The following SEPTIN6 variants were observed in gnomAD, a reference collection of about 807,000 sequenced individuals.
SEPTIN6 encodes septin 6, also known as septin-6.
A neutral mutation model predicts 33.6 loss-of-function variants in SEPTIN6; 8 were observed. The ratio of observed to expected loss-of-function variants is 0.24; its 90% CI spans 0.14 to 0.43. The LOEUF (loss-of-function observed/expected upper bound fraction) is 0.43, where lower values mean the gene tolerates loss of function less well. Among genes scored for constraint, SEPTIN6 ranks in the 20% least tolerant of loss-of-function variants. SEPTIN6 has a pLI of 1.00. For synonymous variants in SEPTIN6, 131 were observed against 140.0 expected (o/e 0.94, Z 0.45); for missense variants, 250 against 340.8 (o/e 0.73, Z 2.10).
Position 119,617,583 on chromosome X carries a change from C to T in SEPTIN6, c.*2510G>A, listed in dbSNP as rs2147419332. On this transcript the variant is annotated 3_prime_UTR_variant, in exon 11 of 11. Transcript: ENST00000394610. ...GATGTTTTTCTGTGGAAAAAAACCTCGAGGGTCTTCTAATACTAACTAGTC... is the reference window on the plus strand; with the variant it reads ...GATGTTTTTCTGTGGAAAAAAACCTTGAGGGTCTTCTAATACTAACTAGTC... 1.2e-6 allele frequency: 1 copy of T among 801,224 alleles called. No homozygotes were observed. The highest frequency in any genetic ancestry group is 7.2e-5 in the East Asian group (1 of 13,898). 66.0% of individuals were successfully genotyped at this position (801,224 alleles called of 1,213,427 possible).
At chrX:119,631,636 A>G (rs1263585488) in intron 8 of SEPTIN6, among the ~76,000 whole-genome samples, 1 of 106,366 alleles carries the variant, frequency 9.4e-6, no homozygotes, top group Non-Finnish European at 1.9e-5. Flanking sequence ...ACAGAGTCTC[A>G]CTCTGTCACG....
chrX:119,655,880 A>G (rs899020120), intron 3 of SEPTIN6, among the ~76,000 whole-genome samples: 1 of 112,407 alleles, frequency 8.9e-6, no homozygotes, highest in African/African-American at 3.2e-5. Context: ...CATAGGTAAC[A>G]ATCTATAGTA....
intron 2 of SEPTIN6, among the ~76,000 whole-genome samples, chrX:119,664,203 C>CA (rs1397680331): frequency 9.0e-6 from 1 of 111,530 alleles, no homozygotes; most frequent in African/African-American, 3.3e-5. Context: ...AGGCTGGTCT[C>CA]AAACTCCTGA....
intron 3 of SEPTIN6, among the ~76,000 whole-genome samples, chrX:119,655,379 C>A (rs1389913725): frequency 9.0e-6 from 1 of 110,943 alleles, no homozygotes; most frequent in South Asian, 3.8e-4. Context: ...AGTGACTCAT[C>A]TTCCCACGGT....
chrX:119,662,018 G>A (rs187890081), intron 3 of SEPTIN6, among the ~76,000 whole-genome samples: 9 of 111,816 alleles, frequency 8.0e-5, no homozygotes, highest in East Asian at 5.6e-4. Flanking sequence ...GATTACAGGC[G>A]TGAGCCACCT....
Position 119,660,260 on chromosome X carries a change from G to A in SEPTIN6, c.341+3222C>T, listed in dbSNP as rs546644259. On this transcript the variant is annotated intron_variant, in intron 3 of 10. Coordinates refer to ENST00000394610, the MANE Select transcript of SEPTIN6 (RefSeq NM_145799.4). ...GTTTATGCATGAGCCCTTGTAAAGC[G>A]GGATATTCTAATGCCTTGTTTCAAT... Among the ~76,000 whole-genome samples, 55 of 112,106 alleles carry A rather than the reference G, an allele frequency of 4.9e-4. 1 individual carries two copies. In the South Asian group the frequency reaches 0.018, roughly 36 times the overall value.
chrX:119,621,466 T>C (rs1342647927), intron 10 of SEPTIN6, among the ~76,000 whole-genome samples: 1 of 100,192 alleles, frequency 1.0e-5, no homozygotes, highest in Admixed American at 1.1e-4. Context: ...TGTGTGTGTG[T>C]GTGTGTGTGT....
At position 119,619,832 on chromosome X, in the gene SEPTIN6, G is replaced by A. The variant is rs1422106403; in HGVS notation, c.*261C>T. 7 of 1,052,016 alleles carry A rather than the reference G, an allele frequency of 6.7e-6. No homozygotes were observed. The African/African-American group carries it at 1.2e-4, about 18-fold the overall frequency. 86.7% of individuals were successfully genotyped at this position (1,052,016 alleles called of 1,213,427 possible). A position where few individuals can be genotyped will look rare whatever the true frequency, so the allele number is the denominator to read the frequency against. On this transcript the variant is annotated 3_prime_UTR_variant, in exon 11 of 11. Transcript: ENST00000394610. ...GGATGGCTGGGGGTGCTGGGAGGGG[G>A]ACTGGGATGCAGGATGCATCTGCGA... is the stretch of plus-strand genomic sequence containing the variant.
At chrX:119,661,269 C>CAA (rs749175712) in intron 3 of SEPTIN6, among the ~76,000 whole-genome samples, 4 of 91,393 alleles carry the variant, frequency 4.4e-5, no homozygotes, top group Admixed American at 2.5e-4. Context: ...ACTAAAAATA[C>CAA]AAAAAAAAAA....
At position 119,663,622 on chromosome X, in the gene SEPTIN6, G is replaced by A. The variant is rs924948442; in HGVS notation, c.201C>T (p.Phe67=). ...TLMDTLFNTK[F]EGEPATHTQP... Reference sequence around the variant, plus strand: ...GTGTGTGGGTGGCTGGCTCCCCTTCGAATTTGGTGTTGAACAGGGTGTCCA... The same window carrying A: ...GTGTGTGGGTGGCTGGCTCCCCTTCAAATTTGGTGTTGAACAGGGTGTCCA... The change falls in exon 3 of 11, where the codon TTC becomes TTT. Residue 67 remains phenylalanine, a synonymous_variant. Transcript: ENST00000394610. 2 of 1,210,878 alleles carry A rather than the reference G, an allele frequency of 1.7e-6. No homozygotes were observed. Among genetic ancestry groups the A allele is most frequent in the Admixed American group, 2.2e-5 (1 of 45,919 alleles).
intron 1 of SEPTIN6, 100 bp downstream of exon 1, chrX:119,692,976 C>T: frequency 1.1e-6 from 1 of 898,152 alleles, no homozygotes; most frequent in Non-Finnish European, 1.6e-6. Context: ...CTCCTGGATG[C>T]TGCCCACTGC....
chrX:119,689,319 G>A (rs1341594695), intron 1 of SEPTIN6, among the ~76,000 whole-genome samples: 1 of 111,549 alleles, frequency 9.0e-6, no homozygotes, highest in Non-Finnish European at 1.9e-5. Flanking sequence ...TGGTTACCTT[G>A]GACAAGTCAT....
At chrX:119,636,175 G>A (rs984873780) in intron 7 of SEPTIN6, among the ~76,000 whole-genome samples, 10 of 111,520 alleles carry the variant, frequency 9.0e-5, no homozygotes, top group African/African-American at 2.9e-4. Flanking sequence ...CTGACTCCAG[G>A]CCAGCTTTAG....
In SEPTIN6 at chrX:119,662,305, C is replaced by T. The variant is rs140179728; in HGVS notation, c.341+1177G>A. Among the ~76,000 whole-genome samples, 531 of 111,807 alleles carry T rather than the reference C, an allele frequency of 4.7e-3. 1 individual carries two copies. The highest frequency in any genetic ancestry group is 0.016 in the African/African-American group (500 of 30,827). The stretch of plus-strand genomic sequence containing the variant: ...TCAACTGCCTACTGCTGAAGGTCAT[C>T]GCGTATCTCAGTATTCCTCAGACAG... On this transcript the variant is annotated intron_variant, in intron 3 of 10. Coordinates refer to ENST00000394610, the MANE Select transcript of SEPTIN6 (RefSeq NM_145799.4).
downstream of SEPTIN6, chrX:119,616,203 C>G (rs898287277): frequency 3.5e-5 from 9 of 256,128 alleles, no homozygotes; most frequent in African/African-American, 8.1e-5. Context: ...TCCCCCTTTG[C>G]TGGAATCTAT....
At position 119,618,002 on chromosome X, in the gene SEPTIN6, G is replaced by A; in HGVS notation, c.*2091C>T. The A allele has an allele frequency of 1.2e-6, 1 of 804,285 alleles. No individual in the cohort carries two copies. Among genetic ancestry groups the A allele is most frequent in the Non-Finnish European group, 1.5e-6 (1 of 670,181 alleles). 66.3% of individuals were successfully genotyped at this position (804,285 alleles called of 1,213,427 possible). Reference sequence around the variant, plus strand: ...AATAATTACCGGGCGGCGGTGTGGGGAAGTGGTGGTTACCGGTTGGTTGTT... The same window carrying A: ...AATAATTACCGGGCGGCGGTGTGGGAAAGTGGTGGTTACCGGTTGGTTGTT... On this transcript the variant is annotated 3_prime_UTR_variant, in exon 11 of 11. Coordinates refer to ENST00000394610, the MANE Select transcript of SEPTIN6 (RefSeq NM_145799.4).
intron 2 of SEPTIN6, among the ~76,000 whole-genome samples, chrX:119,672,135 C>T (rs965911826): frequency 2.5e-4 from 28 of 111,868 alleles, no homozygotes; most frequent in African/African-American, 8.4e-4. Context: ...CGGGGCTGGC[C>T]TATCCAATGG....
chrX:119,636,730 C>T (rs927029009), intron 7 of SEPTIN6, among the ~76,000 whole-genome samples: 1 of 111,716 alleles, frequency 9.0e-6, no homozygotes, highest in Non-Finnish European at 1.9e-5. Context: ...GTCATGGATG[C>T]GTGCATGTGT....
At chrX:119,625,544 C>CTT (rs745338582) in intron 9 of SEPTIN6, 165 bp from the exon 10 acceptor site, 521 of 348,153 alleles carry the variant, frequency 1.5e-3, no homozygotes, top group African/African-American at 3.0e-3. Context: ...CACTGATACT[C>CTT]TTTTTTTTTT....
Sources: allele counts gnomAD v4.1 joint callset (sites outside exome capture counted in the v4.1 genomes callset), GRCh38; gene constraint gnomAD v4.1.1; transcripts MANE v1.5; gene names NCBI Gene and HGNC (gene_info 2026-07-23, HGNC 2026-07-21).